MDN1: variants seen among roughly 807,000 people sequenced by gnomAD.
MDN1 encodes the protein midasin AAA ATPase 1, also known as midasin.
MDN1 carries 266 observed loss-of-function variants against 669.2 expected under a neutral mutation model. The observed-to-expected ratio is 0.40, with a 90% CI of 0.36 to 0.44. The LOEUF (loss-of-function observed/expected upper bound fraction) is 0.44, where lower values mean the gene tolerates loss of function less well. Ranked by LOEUF, MDN1 falls within the 20% of genes least tolerant of loss-of-function variation. The probability of loss-of-function intolerance (pLI) is 1.00; values close to 1 mark genes in which losing one functional copy is unlikely to be tolerated. For synonymous variants in MDN1, 2,385 were observed against 2,457.1 expected, an observed-to-expected ratio of 0.97 and a Z score of 0.87; for missense variants, 5,940 against 6,754.0, an observed-to-expected ratio of 0.88 and a Z score of 4.22.
At chr6:89,662,734 G>C in intron 86 of MDN1, 58 bp downstream of exon 86, 1 of 1,561,396 alleles carries the variant, frequency 6.4e-7, no homozygotes, top group Non-Finnish European at 8.8e-7. Flanking sequence ...AGAATGGTAG[G>C]TTGTGGGCAG....
At position 89,714,719 on chromosome 6, in the gene MDN1, T is replaced by A. The variant is rs1317408193; in HGVS notation, c.6893A>T (p.Asp2298Val). ...ACGATTCCTCATAGCTCGGGATATA[T>A]CTCCATGAACAGGATCCATCGAGAG... ...LFLSMDPVHG[D>V]ISRAMRNRGL... The change falls in exon 46 of 102, where the codon GAT becomes GTT. Residue 2298 changes from aspartate to valine, a missense_variant. Asp to Val is a radical substitution (Grantham distance 152, BLOSUM62 -3). Transcript: ENST00000369393. 4 of 1,613,908 alleles carry A rather than the reference T, an allele frequency of 2.5e-6. No individual in the cohort carries two copies. Among genetic ancestry groups the A allele is most frequent in the African/African-American group, 2.7e-5 (2 of 74,868 alleles).
intron 47 of MDN1, 80 bp downstream of exon 47, chr6:89,713,068 C>G: frequency 6.7e-7 from 1 of 1,488,904 alleles, no homozygotes; most frequent in Non-Finnish European, 9.1e-7. Flanking sequence ...CACTGGGTTG[C>G]CACCTTTAAA....
intron 24 of MDN1, among the ~76,000 whole-genome samples, chr6:89,750,048 A>G (rs193107300): frequency 1.3e-5 from 2 of 152,312 alleles, no homozygotes; most frequent in East Asian, 3.9e-4. Flanking sequence ...TCTGTTGACT[A>G]TTCCCAACTT....
intron 11 of MDN1, among the ~76,000 whole-genome samples, chr6:89,777,591 A>G (rs913683199): frequency 2.0e-5 from 3 of 152,198 alleles, no homozygotes; most frequent in Non-Finnish European, 4.4e-5. Context: ...TGTAGTTTCT[A>G]TAATCCCTTA....
At chr6:89,778,967 T>A (rs9362686) in intron 11 of MDN1, among the ~76,000 whole-genome samples, 149,956 of 149,972 alleles carry the variant, frequency 1, 74,970 homozygotes, top group Middle Eastern at 1. Context: ...CAGTATGTAC[T>A]AAAATAAGCC....
chr6:89,708,669 G>A, intron 50 of MDN1, 41 bp from the exon 51 acceptor site: 1 of 1,596,268 alleles, frequency 6.3e-7, no homozygotes, highest in Non-Finnish European at 8.6e-7. Flanking sequence ...AGAAATATTG[G>A]AGAAACTCCT....
intron 33 of MDN1, among the ~76,000 whole-genome samples, chr6:89,737,949 C>G (rs1816083523): frequency 6.6e-6 from 1 of 152,134 alleles, no homozygotes; most frequent in Admixed American, 6.5e-5. Context: ...CTCTCGAACT[C>G]CTGACCTCAA....
intron 15 of MDN1, among the ~76,000 whole-genome samples, chr6:89,766,209 G>A (rs769416470): frequency 2.0e-5 from 3 of 151,972 alleles, no homozygotes; most frequent in Non-Finnish European, 4.4e-5. Flanking sequence ...TGAGGGAGAA[G>A]AATCGCTTGG....
chr6:89,652,138 A>G, intron 95 of MDN1, 54 bp downstream of exon 95: 1 of 1,484,742 alleles, frequency 6.7e-7, no homozygotes, highest in Non-Finnish European at 9.3e-7. Flanking sequence ...TATGTTGAAC[A>G]AACAAAAAAA....
intron 49 of MDN1, 92 bp downstream of exon 49, chr6:89,711,944 T>C (rs988457331): frequency 8.6e-7 from 1 of 1,159,802 alleles, no homozygotes; most frequent in Admixed American, 2.2e-5. Context: ...ATTTTAACAG[T>C]GTAGTCACAG....
intron 84 of MDN1, among the ~76,000 whole-genome samples, chr6:89,665,386 T>C (rs1226399416): frequency 6.6e-6 from 1 of 152,136 alleles, no homozygotes; most frequent in African/African-American, 2.4e-5. Flanking sequence ...TTGTGATTGT[T>C]ACCTCTTTCA....
chr6:89,663,752 G>A (rs1809975713), intron 85 of MDN1, among the ~76,000 whole-genome samples: 1 of 151,798 alleles, frequency 6.6e-6, no homozygotes, highest in Non-Finnish European at 1.5e-5. Flanking sequence ...GGCTAACATG[G>A]TGAAACCCCG....
At chr6:89,701,781 C>T (rs774265194) in intron 54 of MDN1, 103 bp from the exon 55 acceptor site, 16 of 1,520,394 alleles carry the variant, frequency 1.1e-5, no homozygotes, top group Non-Finnish European at 1.4e-5. Context: ...TTTAATTGTA[C>T]ATTCACCAAT....
intron 25 of MDN1, 59 bp downstream of exon 25, chr6:89,749,483 AC>A: frequency 6.3e-7 from 1 of 1,595,804 alleles, no homozygotes; most frequent in Non-Finnish European, 8.6e-7. Context: ...CATTCTTACT[AC>A]GAAAAATCTA....
At chr6:89,696,753 C>G (rs1337373522) in intron 59 of MDN1, among the ~76,000 whole-genome samples, 179 bp from the exon 60 acceptor site, 1 of 152,118 alleles carries the variant, frequency 6.6e-6, no homozygotes, top group Non-Finnish European at 1.5e-5. Context: ...AAAGTGGACT[C>G]CATGCTCTAG....
intron 58 of MDN1, among the ~76,000 whole-genome samples, chr6:89,699,253 G>GT (rs1562107964): frequency 1.3e-5 from 2 of 152,140 alleles, no homozygotes; most frequent in Non-Finnish European, 2.9e-5. Context: ...ATTAACAGGA[G>GT]TGTACCAGTA....
chr6:89,690,735 C>T lies in MDN1; in HGVS notation c.10687G>A (p.Ala3563Thr). The T allele has an allele frequency of 6.2e-7, 1 of 1,614,128 alleles. No homozygotes were observed. The highest frequency in any genetic ancestry group is 8.5e-7 in the Non-Finnish European group (1 of 1,180,024). ...YRYRSRNSRTALSEEEEEERE... is the reference protein window; with the variant it reads ...YRYRSRNSRTTLSEEEEEERE... ...TCTTCCTCCTCCTCTTCACTCAGGG[C>T]TGTCCTAGAGTTCCTGCTCCTGTAT... Residue 3563 changes from alanine to threonine, a missense_variant, in exon 64 of 102, where the codon GCC (alanine) becomes ACC (threonine). Ala to Thr is a moderately conservative substitution (Grantham distance 58). Coordinates refer to ENST00000369393, the MANE Select transcript of MDN1 (RefSeq NM_014611.3).
Position 89,693,124 on chromosome 6 carries a change from C to T in MDN1, c.9906G>A (p.Arg3302=). The T allele has an allele frequency of 6.3e-7, 1 of 1,598,052 alleles. No individual in the cohort carries two copies. Residue 3302 remains arginine (R), a synonymous_variant, in exon 63 of 102, where the codon CGG becomes CGA. Transcript: ENST00000369393. ...HVRLLRQRMD[R]LDNLTCHLLK... ...ACAGGTGACAGGTTAAATTATCCAG[C>T]CGATCCATCCTTTGGCGAAGCAGCC...
At position 89,661,895 on chromosome 6, in the gene MDN1, C is replaced by G. The variant is rs539042688; in HGVS notation, c.14565+192G>C. 3.9e-5 allele frequency among the ~76,000 whole-genome samples: 6 copies of G among 152,278 alleles called. No individual in the cohort carries two copies. The South Asian group carries it at 1.2e-3, about 32-fold the overall frequency. On this transcript the variant is annotated intron_variant, in intron 87 of 101. Transcript: ENST00000369393. The stretch of plus-strand genomic sequence containing the variant: ...AGCATGAGCCCAGACAACATGTGGA[C>G]TACCCTGTCAGGAACCAACAGTTAT...
Sources: allele counts gnomAD v4.1 joint callset (sites outside exome capture counted in the v4.1 genomes callset), GRCh38; gene constraint gnomAD v4.1.1; transcripts MANE v1.5; gene names NCBI Gene and HGNC (gene_info 2026-07-23, HGNC 2026-07-21).